The following PCNT variants were observed in gnomAD, a reference collection of about 807,000 sequenced individuals.
PCNT encodes kendrin.
In PCNT, 319 loss-of-function variants were observed where a neutral mutation model predicts 380.4. The ratio of observed to expected loss-of-function variants is 0.84; its 90% CI spans 0.77 to 0.92. The LOEUF (loss-of-function observed/expected upper bound fraction) is 0.92, where lower values mean the gene tolerates loss of function less well. PCNT is among the 40% of genes least tolerant of loss of function. The pLI, the probability that PCNT is intolerant of heterozygous loss-of-function variation, is 0.00. For missense variants in PCNT, 4,400 were observed against 4,255.3 expected, an observed-to-expected ratio of 1.03 and a Z score of -0.95; for synonymous variants, 1,845 against 1,735.2, an observed-to-expected ratio of 1.06 and a Z score of -1.57.
chr21:46,402,472 A>G lies in PCNT; in HGVS notation c.5104A>G (p.Thr1702Ala). Residue 1702 changes from threonine (T) to alanine (A), a missense_variant, in exon 27 of 47, where the codon ACG becomes GCG. Physicochemically the swap from Thr to Ala is moderately conservative, Grantham distance 58. Transcript: ENST00000359568. ...VSLRELEEENTSLKVIYTRSS... is the reference protein window; with the variant it reads ...VSLRELEEENASLKVIYTRSS... ...CCTCAGAGAACTTGAGGAAGAGAAC[A>G]CGAGCTTGAAGGTAAGCTACCAAAG... The G allele has an allele frequency of 6.2e-7, 1 of 1,614,076 alleles. No homozygotes were observed.
At chr21:46,403,491 G>A (rs1460342455) in intron 27 of PCNT, among the ~76,000 whole-genome samples, 1 of 122,714 alleles carries the variant, frequency 8.1e-6, no homozygotes, top group Middle Eastern at 5.7e-3. Flanking sequence ...ACACAGCGTG[G>A]GAGAATTGTG....
chr21:46,413,838 G>A (rs2086901451), intron 29 of PCNT, among the ~76,000 whole-genome samples: 1 of 152,210 alleles, frequency 6.6e-6, no homozygotes, highest in Non-Finnish European at 1.5e-5. Context: ...TCAAATTGTA[G>A]CAGGGTGGAG....
chr21:46,407,015 A>T (rs1285170796), intron 27 of PCNT, among the ~76,000 whole-genome samples: 5 of 152,240 alleles, frequency 3.3e-5, no homozygotes, highest in African/African-American at 1.2e-4. Context: ...ATGTTGGTGC[A>T]TAATTGTCTT....
rs2087686662 is a variant in PCNT, at chr21:46,430,111, C to T, written c.7792C>T (p.Leu2598Phe). Residue 2598 changes from leucine to phenylalanine, a missense_variant, in exon 36 of 47, where the codon CTC (leucine) becomes TTC (phenylalanine). By Grantham distance (22) the Leu-to-Phe change is conservative. Transcript: ENST00000359568. Reference protein sequence around the residue: ...EQEKANSVQKLLAAEQTVVRD... With the variant: ...EQEKANSVQKFLAAEQTVVRD... ...AGAGAAGGCAAACAGCGTGCAGAAGCTCCTGGCGGCGGAGCAGACTGTAGT... is the reference window on the plus strand; with the variant it reads ...AGAGAAGGCAAACAGCGTGCAGAAGTTCCTGGCGGCGGAGCAGACTGTAGT... 1 of 1,614,236 alleles carries T rather than the reference C, an allele frequency of 6.2e-7. No individual in the cohort carries two copies. Among genetic ancestry groups the T allele is most frequent in the South Asian group, 1.1e-5 (1 of 91,088 alleles).
Position 46,412,064 on chromosome 21 carries a change from A to G in PCNT, c.5991A>G (p.Pro1997=). 1.2e-6 allele frequency: 2 copies of G among 1,606,402 alleles called. No homozygotes were observed. Among genetic ancestry groups the G allele is most frequent in the Non-Finnish European group, 8.5e-7 (1 of 1,179,764 alleles). The change falls in exon 28 of 47, where the codon CCA becomes CCG. Residue 1997 remains proline, a synonymous_variant. Coordinates refer to ENST00000359568, the MANE Select transcript of PCNT (RefSeq NM_006031.6). ...DAALEPVVPD[P]QGDLQPVLVT... is the part of the protein sequence containing the mutation. ...CTTTGGAGCCGGTTGTCCCTGACCC[A>G]CAGGTGGGCTCCCCCCGCGGGCCAT...
chr21:46,352,012 C>T (rs2084291464), intron 9 of PCNT, among the ~76,000 whole-genome samples: 1 of 152,230 alleles, frequency 6.6e-6, no homozygotes, highest in African/African-American at 2.4e-5. Flanking sequence ...AGCTGAGCAC[C>T]TCTGGAGACC....
intron 8 of PCNT, among the ~76,000 whole-genome samples, chr21:46,350,726 T>C (rs1451108118): frequency 6.6e-6 from 1 of 151,434 alleles, no homozygotes; most frequent in Non-Finnish European, 1.5e-5. Flanking sequence ...CTGCAGAGAG[T>C]CCAGGCCGGG....
chr21:46,394,373 T>C (rs770553501), intron 21 of PCNT: 3 of 186,774 alleles, frequency 1.6e-5, no homozygotes, highest in Non-Finnish European at 3.0e-5. Context: ...GCGCTGAGTC[T>C]GGAGGTTGTT....
At chr21:46,412,731 G>T in intron 28 of PCNT, 106 bp from the exon 29 acceptor site, 1 of 1,187,628 alleles carries the variant, frequency 8.4e-7, no homozygotes, top group Admixed American at 1.7e-5. Flanking sequence ...CCTCCCTCTG[G>T]CATCCCTGCT....
intron 21 of PCNT, among the ~76,000 whole-genome samples, chr21:46,393,066 C>G (rs967788891): frequency 6.6e-6 from 1 of 152,184 alleles, no homozygotes; most frequent in African/African-American, 2.4e-5. Flanking sequence ...CCTTGGCCAG[C>G]TGTGAAGTCC....
chr21:46,425,707 C>T lies in PCNT; in HGVS notation c.7180-124C>T. On this transcript the variant is annotated intron_variant, in intron 32 of 46. Coordinates refer to ENST00000359568, the MANE Select transcript of PCNT (RefSeq NM_006031.6). This position sits in a 1 kb window ranked among gnomAD's most constrained non-coding sequence, Gnocchi z 4.2. ...CGCCTGTACGAAGCCGAGGCGGTGC[C>T]CTCCCTCTCCACAGCTGCCCGCCCT... 7.2e-7 allele frequency: 1 copy of T among 1,394,792 alleles called. No homozygotes were observed. The highest frequency in any genetic ancestry group is 1.2e-5 in the South Asian group (1 of 86,234). The allele number at this position is 1,394,792 out of a possible 1,614,324, so 86.4% of individuals were successfully genotyped here.
At chr21:46,434,005 G>T (rs1490891473) in intron 38 of PCNT, among the ~76,000 whole-genome samples, 1 of 152,188 alleles carries the variant, frequency 6.6e-6, no homozygotes, top group Non-Finnish European at 1.5e-5. Context: ...TTGAACTCCT[G>T]ACCTTGTGAT....
In PCNT at chr21:46,440,188, A is replaced by G. The variant is rs768241500; in HGVS notation, c.9379A>G (p.Thr3127Ala). 1.2e-6 allele frequency: 2 copies of G among 1,614,038 alleles called. No individual in the cohort carries two copies. Among genetic ancestry groups the G allele is most frequent in the African/African-American group, 2.7e-5 (2 of 74,944 alleles). ...ACCAGCTGCCAGCGAGGAAGCACAC[A>G]CCAGCAATGTCAAGGTAGGAACGGT... Reference protein sequence around the residue: ...LPPAASEEAHTSNVKMEKLYL... With the variant: ...LPPAASEEAHASNVKMEKLYL... Residue 3127 changes from threonine to alanine, a missense_variant, in exon 42 of 47, where the codon ACC (threonine) becomes GCC (alanine). By Grantham distance (58) the Thr-to-Ala change is moderately conservative. Coordinates refer to ENST00000359568, the MANE Select transcript of PCNT (RefSeq NM_006031.6).
intron 1 of PCNT, among the ~76,000 whole-genome samples, chr21:46,324,568 G>GGGT (rs1555938907): frequency 4.0e-5 from 6 of 148,718 alleles, no homozygotes; most frequent in South Asian, 2.1e-4. Flanking sequence ...TGCGTCGGGG[G>GGGT]GGGTGGGGCG....
At chr21:46,357,883 T>C (rs2074563140) in intron 13 of PCNT, among the ~76,000 whole-genome samples, 1 of 152,244 alleles carries the variant, frequency 6.6e-6, no homozygotes, top group East Asian at 1.9e-4. Context: ...CTGTGCTGTT[T>C]TGCACCTGTG....
intron 31 of PCNT, among the ~76,000 whole-genome samples, chr21:46,419,692 C>T (rs1191674414): frequency 6.6e-6 from 1 of 152,200 alleles, no homozygotes; most frequent in Non-Finnish European, 1.5e-5. Flanking sequence ...ACAGCAGGTG[C>T]TTCCCCAACA....
At chr21:46,326,333 C>T (rs1003282478) in intron 1 of PCNT, 44 bp from the exon 2 acceptor site, 2 of 1,588,180 alleles carry the variant, frequency 1.3e-6, no homozygotes, top group African/African-American at 1.3e-5. Context: ...TTATTTTTTT[C>T]TCACTTACCT....
At chr21:46,443,998 G>A (rs1291358280) in intron 45 of PCNT, 50 bp downstream of exon 45, 1 of 1,582,570 alleles carries the variant, frequency 6.3e-7, no homozygotes, top group East Asian at 2.2e-5. Flanking sequence ...TCTCCCTCCA[G>A]CCTACATAGG....
rs2086455018 is a variant in PCNT at position 46,402,318 on chromosome 21, G to A, written c.4963-13G>A. On this transcript the variant is annotated splice_polypyrimidine_tract_variant and intron_variant, in intron 26 of 46. Coordinates refer to ENST00000359568, the MANE Select transcript of PCNT (RefSeq NM_006031.6). ...TGACTTTTAATACTTTTCTTCTTTT[G>A]TTTTAATGAAAGGTTTTGGACTTAA... 1 of 1,563,210 alleles carries A rather than the reference G, an allele frequency of 6.4e-7. No individual in the cohort carries two copies. Among genetic ancestry groups the A allele is most frequent in the South Asian group, 1.1e-5 (1 of 89,554 alleles).
Sources: allele counts gnomAD v4.1 joint callset (sites outside exome capture counted in the v4.1 genomes callset), GRCh38; gene constraint gnomAD v4.1.1; non-coding constraint Gnocchi (gnomAD v3.1); transcripts MANE v1.5; gene names NCBI Gene and HGNC (gene_info 2026-07-23, HGNC 2026-07-21).